Variants in ABLIM1 observed in about 807,000 individuals in gnomAD.
ABLIM1 encodes the protein actin-binding LIM protein 1.
ABLIM1 carries 40 observed loss-of-function variants against 107.0 expected under a neutral mutation model. The observed-to-expected ratio is 0.37, with a 90% CI of 0.29 to 0.49. ABLIM1 has a LOEUF of 0.49. Among genes scored for constraint, ABLIM1 ranks in the 20% least tolerant of loss-of-function variants. The pLI is 0.97. For missense variants in ABLIM1, 857 were observed against 1,008.5 expected (o/e 0.85, Z 2.04); for synonymous variants, 357 against 357.3 (o/e 1.00, Z 0.01).
chr10:114,592,281 C>G (rs1300583817), intron 2 of ABLIM1, among the ~76,000 whole-genome samples: 2 of 152,132 alleles, frequency 1.3e-5, no homozygotes, highest in Non-Finnish European at 2.9e-5. Flanking sequence ...ACCAAGCACA[C>G]ATATCCAAGT....
intron 8 of ABLIM1, chr10:114,485,269 C>T (rs555761530): frequency 1.4e-4 from 212 of 1,564,678 alleles, no homozygotes; most frequent in Non-Finnish European, 1.8e-4. Flanking sequence ...ACAGTGGCTT[C>T]GAGCCCCAGC....
chr10:114,576,156 G>A (rs1454918908), intron 2 of ABLIM1, among the ~76,000 whole-genome samples: 1 of 152,130 alleles, frequency 6.6e-6, no homozygotes, highest in Non-Finnish European at 1.5e-5. Flanking sequence ...ATTATAGAGA[G>A]ATAAAAAACA....
At chr10:114,747,034 T>C (rs574408082) in intron 1 of ABLIM1, among the ~76,000 whole-genome samples, 1 of 152,350 alleles carries the variant, frequency 6.6e-6, no homozygotes, top group Admixed American at 6.5e-5. Context: ...TCCCAAACCA[T>C]AGATTGTTTC....
At position 114,615,045 on chromosome 10, in the gene ABLIM1, T is replaced by C. The variant is rs146562547; in HGVS notation, c.245-13084A>G. On this transcript the variant is annotated intron_variant, in intron 1 of 22. Transcript: ENST00000533213. ...AGTCTGGGCAATAAGAGCAAAACTC[T>C]GTCTCAAAAAAAAAAAAAGAAAGAA... Among the ~76,000 whole-genome samples, 565 of 106,224 alleles carry C rather than the reference T, an allele frequency of 5.3e-3. 6 individuals carry two copies. The highest frequency in any genetic ancestry group is 0.016 in the African/African-American group (534 of 32,788). 69.7% of individuals were successfully genotyped at this position (106,224 alleles called of 152,430 possible).
chr10:114,690,396 T>A (rs1462453667), intron 1 of ABLIM1: 1 of 1,605,698 alleles, frequency 6.2e-7, no homozygotes, highest in Non-Finnish European at 8.5e-7. Context: ...ATCATCAAAT[T>A]TCTCCCCATA....
intron 2 of ABLIM1, among the ~76,000 whole-genome samples, chr10:114,581,776 T>C (rs1033319327): frequency 2.0e-5 from 3 of 152,130 alleles, no homozygotes; most frequent in Non-Finnish European, 4.4e-5. Flanking sequence ...ATGAAAGTTC[T>C]GGGACCTGTC....
rs1443882488 is a variant in ABLIM1 at position 114,453,363 on chromosome 10, CTG to C, written c.1546+14_1546+15del. On this transcript the variant is annotated intron_variant, in intron 13 of 22. Coordinates refer to ENST00000533213, the MANE Select transcript of ABLIM1 (RefSeq NM_002313.7). ...CTGTGACAGGACACCAAGACACAGA[CTG>C]TGTCAGCTCCTACCTGGAACATGGA... 3 of 1,613,004 alleles carry C rather than the reference CTG, an allele frequency of 1.9e-6. No individual in the cohort carries two copies. In the Admixed American group the frequency reaches 5.0e-5, roughly 27 times the overall value.
chr10:114,458,102 G>T (rs945653554), intron 12 of ABLIM1, among the ~76,000 whole-genome samples: 18 of 150,404 alleles, frequency 1.2e-4, no homozygotes, highest in Non-Finnish European at 2.5e-4. Flanking sequence ...CTCTGTGTGT[G>T]TGTGTGTGTG....
intron 6 of ABLIM1, among the ~76,000 whole-genome samples, chr10:114,504,686 T>C (rs2060893209): frequency 6.6e-6 from 1 of 152,158 alleles, no homozygotes; most frequent in Non-Finnish European, 1.5e-5. Flanking sequence ...TGCATGTACA[T>C]CAAGAATGAT....
intron 1 of ABLIM1, among the ~76,000 whole-genome samples, chr10:114,752,974 T>G (rs997979449): frequency 6.6e-6 from 1 of 152,192 alleles, no homozygotes; most frequent in African/African-American, 2.4e-5. Flanking sequence ...ATCCAGCCTT[T>G]GGGAAATATA....
chr10:114,706,692 G>A (rs1004340770), intron 1 of ABLIM1, among the ~76,000 whole-genome samples: 3 of 152,164 alleles, frequency 2.0e-5, no homozygotes, highest in Non-Finnish European at 4.4e-5. Context: ...GTGGAAGCAG[G>A]GTTACAAGAG....
chr10:114,644,351 CATATAT>C, intron 1 of ABLIM1, among the ~76,000 whole-genome samples: 1 of 103,930 alleles, frequency 9.6e-6, no homozygotes, highest in East Asian at 2.8e-4. Flanking sequence ...TGTATATATA[CATATAT>C]ATATACACAC....
At chr10:114,557,391 C>A (rs1426939772) in intron 4 of ABLIM1, among the ~76,000 whole-genome samples, 1 of 152,160 alleles carries the variant, frequency 6.6e-6, no homozygotes. Context: ...CCCATAATAG[C>A]AACAGAGGGT....
chr10:114,505,120 CGT>C (rs2060952179), intron 6 of ABLIM1, among the ~76,000 whole-genome samples: 2 of 152,174 alleles, frequency 1.3e-5, no homozygotes, highest in South Asian at 4.2e-4. Flanking sequence ...TGCTGCTCAG[CGT>C]GTGGTAAAAA....
At chr10:114,792,584 C>T in the ABLIM1 span, among the ~76,000 whole-genome samples, 1 of 152,204 alleles carries the variant, frequency 6.6e-6, no homozygotes. Flanking sequence ...TCCCCTACCT[C>T]CTGCTGGCTG....
intron 7 of ABLIM1, among the ~76,000 whole-genome samples, chr10:114,491,178 A>G (rs1312091635): frequency 6.6e-6 from 1 of 151,548 alleles, no homozygotes; most frequent in Non-Finnish European, 1.5e-5. Context: ...CCTCTTTGAC[A>G]CCAGAAATTT....
chr10:114,778,860 T>G, the ABLIM1 span: 3 of 152,180 alleles, frequency 2.0e-5, no homozygotes, highest in Non-Finnish European at 4.4e-5. Flanking sequence ...GATTTGATTC[T>G]TCCCTCCACT....
intron 3 of ABLIM1, 97 bp from the exon 4 acceptor site, chr10:114,571,503 C>G (rs2071676338): frequency 8.4e-6 from 10 of 1,191,176 alleles, no homozygotes; most frequent in Non-Finnish European, 1.2e-5. Flanking sequence ...CCATTTATTT[C>G]TTGGAGAAGC....
intron 2 of ABLIM1, among the ~76,000 whole-genome samples, chr10:114,600,125 C>T (rs1340311523): frequency 1.3e-5 from 2 of 152,130 alleles, no homozygotes; most frequent in East Asian, 3.9e-4. Flanking sequence ...GATAAGGACA[C>T]TGAGCCACAG....
Sources: gnomAD v4.1 joint callset for allele counts (sites outside exome capture counted in the v4.1 genomes callset) on GRCh38, gnomAD v4.1.1 for gene constraint, MANE v1.5 for transcripts, NCBI Gene and HGNC (gene_info 2026-07-23, HGNC 2026-07-21) for gene names.